The following PEAK1 variants were observed in gnomAD, a reference collection of about 807,000 sequenced individuals.
PEAK1 encodes the protein inactive tyrosine-protein kinase PEAK1.
Under a neutral mutation model 124.7 loss-of-function variants are expected in PEAK1, and 54 were observed. The ratio of observed to expected loss-of-function variants is 0.43; its 90% CI spans 0.35 to 0.54. The LOEUF (loss-of-function observed/expected upper bound fraction) is 0.54, where lower values mean the gene tolerates loss of function less well. PEAK1 is among the 20% of genes least tolerant of loss of function. PEAK1 has a pLI of 0.01. For synonymous variants in PEAK1, 719 were observed against 760.0 expected (o/e 0.95, Z 0.89); for missense variants, 2,046 against 2,134.5 (o/e 0.96, Z 0.82).
chr15:77,185,572 A>C (rs115894850), intron 6 of PEAK1, among the ~76,000 whole-genome samples: 186 of 152,348 alleles, frequency 1.2e-3, no homozygotes, highest in African/African-American at 4.4e-3. Context: ...ACATGAGCTC[A>C]TCTGTGACCT....
chr15:77,349,344 C>A (rs2067071953), intron 2 of PEAK1: 1 of 982,442 alleles, frequency 1.0e-6, no homozygotes, highest in African/African-American at 1.8e-5. Flanking sequence ...CGGCCTCAGT[C>A]AATAATTATT....
chr15:77,280,938 C>A (rs2062636124), intron 5 of PEAK1, among the ~76,000 whole-genome samples: 1 of 152,084 alleles, frequency 6.6e-6, no homozygotes, highest in Admixed American at 6.6e-5. Context: ...GTAGGTGGAT[C>A]ACTTGAGGTC....
At chr15:77,169,738 A>G (rs1166170652) in intron 7 of PEAK1, among the ~76,000 whole-genome samples, 1 of 152,184 alleles carries the variant, frequency 6.6e-6, no homozygotes, top group Non-Finnish European at 1.5e-5. Context: ...AGAGAAGTAG[A>G]TAATTTGGGA....
intron 2 of PEAK1, among the ~76,000 whole-genome samples, chr15:77,338,780 T>A (rs1027338316): frequency 6.6e-6 from 1 of 151,874 alleles, no homozygotes; most frequent in Admixed American, 6.6e-5. Flanking sequence ...AACTAAATCA[T>A]AGTAAATTCC....
At chr15:77,311,947 C>A (rs1597237682) in intron 2 of PEAK1, among the ~76,000 whole-genome samples, 1 of 152,078 alleles carries the variant, frequency 6.6e-6, no homozygotes, top group South Asian at 2.1e-4. Flanking sequence ...TTTAGAAAGA[C>A]TGCCTAGTTA....
In PEAK1 at chr15:77,350,053, C is replaced by A. The variant is rs906296760; in HGVS notation, c.-603+15110G>T. 19 of 985,208 alleles carry A rather than the reference C, an allele frequency of 1.9e-5. No individual in the cohort carries two copies. In the African/African-American group the frequency reaches 3.1e-4, roughly 16 times the overall value. The allele number at this position is 985,208 out of a possible 1,614,324, so 61.0% of individuals were successfully genotyped here. A position where few individuals can be genotyped will look rare whatever the true frequency, so the allele number is the denominator to read the frequency against. ...AATGTAGGAAGTCAGGGCTCAGCCA[C>A]CATGATAGTTTTCAGATCATTTGTG... On this transcript the variant is annotated intron_variant, in intron 2 of 9. Transcript: ENST00000682557.
intron 5 of PEAK1, among the ~76,000 whole-genome samples, chr15:77,280,892 C>T (rs551729254): frequency 2.0e-5 from 3 of 152,254 alleles, no homozygotes; most frequent in African/African-American, 7.2e-5. Flanking sequence ...GGCATGGTGG[C>T]TCACATCTGT....
At chr15:77,240,322 T>C (rs890483206) in intron 6 of PEAK1, among the ~76,000 whole-genome samples, 1 of 152,194 alleles carries the variant, frequency 6.6e-6, no homozygotes, top group Non-Finnish European at 1.5e-5. Flanking sequence ...CTTGTTTCTT[T>C]ACAAATGTTT....
At chr15:77,246,069 T>C (rs1383624070) in intron 6 of PEAK1, among the ~76,000 whole-genome samples, 1 of 151,492 alleles carries the variant, frequency 6.6e-6, no homozygotes. Context: ...AGTGCAGTGG[T>C]GTGATCTCGG....
chr15:77,400,609 A>C (rs1307835960), intron 1 of PEAK1, among the ~76,000 whole-genome samples: 1 of 152,150 alleles, frequency 6.6e-6, no homozygotes, highest in Non-Finnish European at 1.5e-5. Flanking sequence ...CTAAAAATTA[A>C]AACAATTGAA....
At chr15:77,419,244 AC>A in intron 1 of PEAK1, 1 of 985,358 alleles carries the variant, frequency 1.0e-6, no homozygotes, top group East Asian at 1.1e-4. Flanking sequence ...GCAATCTTTA[AC>A]GTAGCCAAAG....
downstream of PEAK1, chr15:77,105,357 T>TGCGCGCGCGC (rs747059791): frequency 2.6e-4 from 22 of 85,346 alleles, no homozygotes; most frequent in African/African-American, 9.1e-4. Context: ...TGTGTGTGTG[T>TGCGCGCGCGC]GCGCGCGTGC....
rs564723067 is a variant in PEAK1, at chr15:77,397,141, A to C, written c.-666+22865T>G. Among the ~76,000 whole-genome samples, 119 of 152,330 alleles carry C rather than the reference A, an allele frequency of 7.8e-4. 1 individual carries two copies. The highest frequency in any genetic ancestry group is 2.7e-3 in the African/African-American group (113 of 41,588). ...TGACCACAATGGGATAAAACCAGAAATCAATAACAAGAGGAATTTTGTAAA... is the reference window on the plus strand; with the variant it reads ...TGACCACAATGGGATAAAACCAGAACTCAATAACAAGAGGAATTTTGTAAA... On this transcript the variant is annotated intron_variant, in intron 1 of 9. Coordinates refer to ENST00000682557, the MANE Select transcript of PEAK1 (RefSeq NM_001385026.1).
At chr15:77,256,860 A>C (rs2061169260) in intron 5 of PEAK1, among the ~76,000 whole-genome samples, 1 of 151,750 alleles carries the variant, frequency 6.6e-6, no homozygotes, top group Admixed American at 6.6e-5. Context: ...ATATCTCCTA[A>C]TGCTATCCCT....
intron 1 of PEAK1, among the ~76,000 whole-genome samples, chr15:77,365,446 T>G (rs980962637): frequency 3.0e-4 from 45 of 152,194 alleles, no homozygotes; most frequent in African/African-American, 1.0e-3. Flanking sequence ...ATTAAAAGTA[T>G]ATCAAAACAG....
At chr15:77,321,702 T>C (rs1362282798) in intron 2 of PEAK1, among the ~76,000 whole-genome samples, 1 of 152,200 alleles carries the variant, frequency 6.6e-6, no homozygotes, top group African/African-American at 2.4e-5. Context: ...TGCCATTGCT[T>C]TTGGTGTTTT....
At chr15:77,194,501 G>A (rs1225692386) in intron 6 of PEAK1, among the ~76,000 whole-genome samples, 2 of 152,048 alleles carry the variant, frequency 1.3e-5, no homozygotes, top group East Asian at 1.9e-4. Context: ...AAATCCTATA[G>A]ATCTTTTGAT....
At chr15:77,162,905 C>T (rs2055785646) in intron 7 of PEAK1, among the ~76,000 whole-genome samples, 1 of 152,012 alleles carries the variant, frequency 6.6e-6, no homozygotes, top group Admixed American at 6.6e-5. Flanking sequence ...CAAATAATGA[C>T]CAGTGTATCT....
chr15:77,408,024 TAC>T (rs1453712514), intron 1 of PEAK1, among the ~76,000 whole-genome samples: 5 of 151,070 alleles, frequency 3.3e-5, no homozygotes, highest in Admixed American at 1.3e-4. Flanking sequence ...TACACATATA[TAC>T]ACACATATAT....
Sources: allele counts gnomAD v4.1 joint callset (sites outside exome capture counted in the v4.1 genomes callset), GRCh38; gene constraint gnomAD v4.1.1; transcripts MANE v1.5; gene names NCBI Gene and HGNC (gene_info 2026-07-23, HGNC 2026-07-21).